The following PIWIL3 variants were observed in gnomAD, a reference collection of about 807,000 sequenced individuals.
The protein encoded by PIWIL3 is piwi-like protein 3.
Under a neutral mutation model 109.7 loss-of-function variants are expected in PIWIL3, and 101 were observed. That is an observed-to-expected ratio of 0.92 (90% confidence interval 0.78 to 1.09). PIWIL3 has a LOEUF of 1.09. Ranked by LOEUF, PIWIL3 falls within the 50% of genes least tolerant of loss-of-function variation. PIWIL3 has a pLI of 0.00. For synonymous variants in PIWIL3, 373 were observed against 376.4 expected (o/e 0.99, Z 0.10); for missense variants, 1,031 against 1,072.6 (o/e 0.96, Z 0.54).
chr22:24,736,213 A>G (rs937677401), intron 12 of PIWIL3, among the ~76,000 whole-genome samples: 2 of 152,276 alleles, frequency 1.3e-5, no homozygotes, highest in Middle Eastern at 3.4e-3. Flanking sequence ...CCAACTACCA[A>G]CTAGGGTCCT....
intron 15 of PIWIL3, 61 bp downstream of exon 15, chr22:24,728,115 AT>A: frequency 1.9e-6 from 3 of 1,607,200 alleles, no homozygotes; most frequent in Non-Finnish European, 2.6e-6. Context: ...AGCATTAACA[AT>A]TAAGAGAATC....
At chr22:24,757,472 T>G (rs1925119096) in intron 4 of PIWIL3, among the ~76,000 whole-genome samples, 2 of 151,922 alleles carry the variant, frequency 1.3e-5, no homozygotes, top group South Asian at 4.1e-4. Context: ...CTTTCCAGAA[T>G]CTATTAAAGT....
rs1925603784 is a variant in PIWIL3 at position 24,763,806 on chromosome 22, G to A, written c.-22-1285C>T. ...AAACCTCAGCTCCCGCATCCTGAGT[G>A]GGACCTCCGCCCACCATCTCCTGCC... On this transcript the variant is annotated intron_variant, in intron 1 of 20. Transcript: ENST00000616349. 3.4e-5 allele frequency among the ~76,000 whole-genome samples: 5 copies of A among 149,166 alleles called. No homozygotes were observed. The South Asian group carries it at 1.1e-3, about 33-fold the overall frequency.
Position 24,749,587 on chromosome 22 carries a change from G to A in PIWIL3, c.1217-66C>T. 7.5e-6 allele frequency: 12 copies of A among 1,610,350 alleles called. No homozygotes were observed. The East Asian group carries it at 2.7e-4, about 36-fold the overall frequency. On this transcript the variant is annotated intron_variant, in intron 10 of 20. Transcript: ENST00000616349. Reference sequence around the variant, plus strand: ...TTTGAGTGAGGACTAAATTATAACAGCTGGAGGAACCTACTACCAAGGAGA... The same window carrying A: ...TTTGAGTGAGGACTAAATTATAACAACTGGAGGAACCTACTACCAAGGAGA...
At chr22:24,765,389 C>T (rs5760625) in intron 1 of PIWIL3, among the ~76,000 whole-genome samples, 100,786 of 152,010 alleles carry the variant, frequency 0.66, 33,611 homozygotes, top group East Asian at 0.75. Flanking sequence ...GGGGATCAAT[C>T]TTCACTAAAC....
At chr22:24,749,298 G>T in intron 11 of PIWIL3, 106 bp downstream of exon 11, 1 of 1,502,882 alleles carries the variant, frequency 6.7e-7, no homozygotes. Context: ...TCTTCCCATT[G>T]TCACTTGCTT....
In PIWIL3 at chr22:24,759,925, C is replaced by T; in HGVS notation, c.167G>A (p.Arg56Lys). 2 of 1,614,192 alleles carry T rather than the reference C, an allele frequency of 1.2e-6. No homozygotes were observed. Among genetic ancestry groups the T allele is most frequent in the African/African-American group, 2.7e-5 (2 of 75,060 alleles). The change falls in exon 3 of 21, where the codon AGA becomes AAA. Residue 56 changes from arginine (R) to lysine (K), a missense_variant. Transcript: ENST00000616349. ...RPLQEEVPVV[R>K]PLQPRAARGG... ...TCTTGCTGCTCTTGGCTGCAGAGGT[C>T]TAACCACTGGGACTTCCTCCTGCAG...
At chr22:24,759,752 T>A (rs1161167798) in intron 3 of PIWIL3, 117 bp downstream of exon 3, 4 of 1,450,664 alleles carry the variant, frequency 2.8e-6, no homozygotes, top group Non-Finnish European at 3.8e-6. Context: ...TGCACACACT[T>A]CCCATCCCAC....
At chr22:24,740,126 G>C (rs1250447228) in intron 12 of PIWIL3, among the ~76,000 whole-genome samples, 1 of 146,260 alleles carries the variant, frequency 6.8e-6, no homozygotes, top group Non-Finnish European at 1.5e-5. Flanking sequence ...GGCTGAGGCA[G>C]AGAATTGCTT....
At position 24,755,817 on chromosome 22, in the gene PIWIL3, T is replaced by G. The variant is rs1924991920; in HGVS notation, c.659A>C (p.Asp220Ala). The G allele has an allele frequency of 2.5e-6, 4 of 1,614,084 alleles. No individual in the cohort carries two copies. The East Asian group carries it at 6.7e-5, about 27-fold the overall frequency. ...FSKELTPTSP[D>A]CLRYYNILFR... is the part of the protein sequence containing the mutation. ...GAGAATGTTGTAATAGCGTAGGCAATCTGGCGACGTGGGCGTGAGTTCTTT... is the reference window on the plus strand; with the variant it reads ...GAGAATGTTGTAATAGCGTAGGCAAGCTGGCGACGTGGGCGTGAGTTCTTT... The change falls in exon 6 of 21, where the codon GAT becomes GCT. Residue 220 changes from aspartate (D) to alanine (A), a missense_variant. By Grantham distance (126) the Asp-to-Ala change is moderately radical. Transcript: ENST00000616349.
chr22:24,772,979 C>G (rs988541147), intron 1 of PIWIL3, among the ~76,000 whole-genome samples: 4 of 152,162 alleles, frequency 2.6e-5, no homozygotes, highest in African/African-American at 9.7e-5. Context: ...TCTCTGGGTC[C>G]TATGGGCTCA....
intron 12 of PIWIL3, among the ~76,000 whole-genome samples, chr22:24,744,300 C>T (rs1013463007): frequency 3.3e-5 from 5 of 150,880 alleles, no homozygotes; most frequent in African/African-American, 1.2e-4. Context: ...AGGCCAGGTG[C>T]GGTGGCTCAT....
chr22:24,720,257 C>CAGTTTTTTT (rs1922584213), intron 19 of PIWIL3, among the ~76,000 whole-genome samples: 1 of 79,626 alleles, frequency 1.3e-5, no homozygotes, highest in African/African-American at 6.6e-5. Flanking sequence ...TATATTTAAA[C>CAGTTTTTTT]TGTTTTTTTT....
At chr22:24,724,294 A>G (rs1922856588) in intron 18 of PIWIL3, among the ~76,000 whole-genome samples, 2 of 151,894 alleles carry the variant, frequency 1.3e-5, no homozygotes, top group African/African-American at 4.8e-5. Context: ...AAATCTGCAC[A>G]GTACGATTTT....
intron 4 of PIWIL3, among the ~76,000 whole-genome samples, 181 bp from the exon 5 acceptor site, chr22:24,756,886 C>T (rs911088222): frequency 6.6e-6 from 1 of 151,970 alleles, no homozygotes; most frequent in African/African-American, 2.4e-5. Flanking sequence ...TCCAGACCTG[C>T]CTGGCCAACA....
intron 14 of PIWIL3, 74 bp from the exon 15 acceptor site, chr22:24,728,448 A>C: frequency 6.4e-7 from 1 of 1,567,068 alleles, no homozygotes; most frequent in Non-Finnish European, 8.7e-7. Flanking sequence ...CATCTGGAGC[A>C]GGCAACTTAG....
Position 24,749,798 on chromosome 22 carries a change from C to T in PIWIL3, c.1111G>A (p.Val371Met), listed in dbSNP as rs754493843. 1.9e-6 allele frequency: 3 copies of T among 1,613,822 alleles called. No individual in the cohort carries two copies. The African/African-American group carries it at 4.0e-5, about 22-fold the overall frequency. The change falls in exon 10 of 21, where the codon GTG (valine) becomes ATG (methionine). Residue 371 changes from valine to methionine, a missense_variant. Transcript: ENST00000616349. ...YRQQHKEIVT[V>M]KKQPLLVSQG... ...CTGACCAAAAGTGGCTGTTTCTTCA[C>T]TGTGACAATTTCTTTATGTTGCTGC...
At chr22:24,757,637 C>CACACACACACACACACACAT (rs371066474) in intron 4 of PIWIL3, among the ~76,000 whole-genome samples, 10 of 122,770 alleles carry the variant, frequency 8.1e-5, no homozygotes, top group East Asian at 2.6e-4. Context: ...CACACACACA[C>CACACACACACACACACACAT]ATATATAAAA....
intron 2 of PIWIL3, among the ~76,000 whole-genome samples, chr22:24,761,650 C>G (rs139390371): frequency 3.7e-4 from 57 of 152,104 alleles, no homozygotes; most frequent in African/African-American, 1.4e-3. Context: ...TAGGTAGGAA[C>G]AAAGATGGTG....
Sources: allele counts gnomAD v4.1 joint callset (sites outside exome capture counted in the v4.1 genomes callset), GRCh38; gene constraint gnomAD v4.1.1; transcripts MANE v1.5; gene names NCBI Gene and HGNC (gene_info 2026-07-23, HGNC 2026-07-21).